Variants in RICTOR observed in about 807,000 individuals in gnomAD.
The protein encoded by RICTOR is rapamycin-insensitive companion of mTOR.
In RICTOR, 49 loss-of-function variants were observed where a neutral mutation model predicts 214.9. That is an observed-to-expected ratio of 0.23 (90% CI 0.18 to 0.29). The LOEUF is 0.29. Among genes scored for constraint, RICTOR ranks in the 10% least tolerant of loss-of-function variants. The pLI, the probability that RICTOR is intolerant of heterozygous loss-of-function variation, is 1.00. For missense variants in RICTOR, 1,625 were observed against 2,047.0 expected (o/e 0.79, Z 3.98); for synonymous variants, 717 against 711.3 (o/e 1.01, Z -0.13).
At position 38,942,297 on chromosome 5, in the gene RICTOR, T is replaced by C; in HGVS notation, c.*7A>G. 2 of 1,549,402 alleles carry C rather than the reference T, an allele frequency of 1.3e-6. No individual in the cohort carries two copies. The highest frequency in any genetic ancestry group is 1.8e-6 in the Non-Finnish European group (2 of 1,126,290). On this transcript the variant is annotated 3_prime_UTR_variant, in exon 38 of 38. Transcript: ENST00000357387. ...AGTATGTATCTATATCCATCATAAATATGAGGTCAGGATTCAGCAGATGTA... is the reference window on the plus strand; with the variant it reads ...AGTATGTATCTATATCCATCATAAACATGAGGTCAGGATTCAGCAGATGTA...
intron 2 of RICTOR, 69 bp downstream of exon 2, chr5:39,074,042 G>A: frequency 8.2e-7 from 1 of 1,214,450 alleles, no homozygotes; most frequent in Non-Finnish European, 1.1e-6. Flanking sequence ...CCTGCCTCTG[G>A]CCCCCAGCCC....
At chr5:39,052,521 A>G (rs995485520) in intron 2 of RICTOR, among the ~76,000 whole-genome samples, 2 of 152,234 alleles carry the variant, frequency 1.3e-5, no homozygotes, top group African/African-American at 2.4e-5. Context: ...GCATAAAAAA[A>G]GAACTTTTTA....
rs750381867 is a variant in RICTOR at position 38,942,313 on chromosome 5, A to G, written c.5118T>C (p.Ala1706=). ...PPKQPIVDTS[A]ES is the part of the protein sequence containing the mutation. ...CATCATAAATATGAGGTCAGGATTC[A>G]GCAGATGTATCAACTATAGGTTGCT... The change falls in exon 38 of 38, where the codon GCT becomes GCC. Residue 1706 remains alanine (A), a synonymous_variant. Coordinates refer to ENST00000357387, the MANE Select transcript of RICTOR (RefSeq NM_152756.5). The G allele has an allele frequency of 3.1e-6, 5 of 1,588,928 alleles. No individual in the cohort carries two copies. Among genetic ancestry groups the G allele is most frequent in the South Asian group, 1.1e-5 (1 of 88,352 alleles).
intron 28 of RICTOR, 121 bp downstream of exon 28, chr5:38,953,340 A>G (rs902243295): frequency 5.5e-6 from 3 of 543,496 alleles, no homozygotes; most frequent in Non-Finnish European, 6.5e-6. Context: ...GGAACAATCC[A>G]GTCTTAAATA....
intron 2 of RICTOR, among the ~76,000 whole-genome samples, chr5:39,036,495 T>C (rs1429934093): frequency 6.6e-6 from 1 of 152,194 alleles, no homozygotes; most frequent in East Asian, 1.9e-4. Flanking sequence ...ATAGGCTAAA[T>C]GCTCCAATTA....
At chr5:39,062,667 T>C (rs993000091) in intron 2 of RICTOR, among the ~76,000 whole-genome samples, 2 of 152,128 alleles carry the variant, frequency 1.3e-5, no homozygotes, top group African/African-American at 4.8e-5. Context: ...TGACAAGCTG[T>C]TCCTTCTTAG....
intron 6 of RICTOR, among the ~76,000 whole-genome samples, chr5:38,991,524 C>A: frequency 1.4e-5 from 1 of 73,866 alleles, no homozygotes; most frequent in Admixed American, 1.7e-4. Context: ...TCTCTACTCC[C>A]CTCTCCTCAT....
chr5:38,984,616 T>C (rs1030270110), intron 7 of RICTOR, among the ~76,000 whole-genome samples: 1 of 152,174 alleles, frequency 6.6e-6, no homozygotes, highest in African/African-American at 2.4e-5. Flanking sequence ...ACAAGTATTG[T>C]GGTCTTTTTA....
At position 39,069,864 on chromosome 5, in the gene RICTOR, AC is replaced by A. The variant is rs1480782703; in HGVS notation, c.97+4246del. Among the ~76,000 whole-genome samples the A allele has an allele frequency of 5.9e-5, 9 of 152,186 alleles. No homozygotes were observed. In the East Asian group the frequency reaches 1.5e-3, roughly 26 times the overall value. On this transcript the variant is annotated intron_variant, in intron 2 of 37. Coordinates refer to ENST00000357387, the MANE Select transcript of RICTOR (RefSeq NM_152756.5). ...CCACCATTATTCTTTTAAGAAGTCA[AC>A]CCCTCTATGAGACTTCTCTGATCCT...
rs529259343 is a variant in RICTOR at position 38,945,781 on chromosome 5, C to G, written c.4400-57G>C. The G allele has an allele frequency of 4.6e-6, 4 of 871,082 alleles. No individual in the cohort carries two copies. In the South Asian group the frequency reaches 7.8e-5, roughly 17 times the overall value. 54.0% of individuals were successfully genotyped at this position (871,082 alleles called of 1,614,324 possible). A position where few individuals can be genotyped will look rare whatever the true frequency, so the allele number is the denominator to read the frequency against. Reference sequence around the variant, plus strand: ...ATAAAGATAATACTTTTCAAGGTACCTTAAATTATGTGAAATTTTAAAGAA... The same window carrying G: ...ATAAAGATAATACTTTTCAAGGTACGTTAAATTATGTGAAATTTTAAAGAA... On this transcript the variant is annotated intron_variant, in intron 33 of 37. Transcript: ENST00000357387.
chr5:38,967,336 C>T lies in RICTOR; in HGVS notation c.1151+1G>A, dbSNP rs2150032584. 1 of 1,612,290 alleles carries T rather than the reference C, an allele frequency of 6.2e-7. No homozygotes were observed. Among genetic ancestry groups the T allele is most frequent in the Non-Finnish European group, 8.5e-7 (1 of 1,178,766 alleles). ...GAAACCCTTTTTATTTTAAATTCTA[C>T]CTGGATCTGGCACGATGAGGAAGAA... On this transcript the variant is annotated splice_donor_variant, in intron 13 of 37. Coordinates refer to ENST00000357387, the MANE Select transcript of RICTOR (RefSeq NM_152756.5). LOFTEE classifies it high-confidence loss of function.
At chr5:38,964,060 TA>T (rs1032352845) in intron 16 of RICTOR, among the ~76,000 whole-genome samples, 4 of 151,730 alleles carry the variant, frequency 2.6e-5, no homozygotes, top group Non-Finnish European at 4.4e-5. Flanking sequence ...TTTGAATAGC[TA>T]AAAAACTCCA....
chr5:39,021,189 C>T, intron 2 of RICTOR, 53 bp from the exon 3 acceptor site: 4 of 986,162 alleles, frequency 4.1e-6, no homozygotes, highest in Non-Finnish European at 6.6e-6. Context: ...TTTTCCTGTT[C>T]AAACACATAA....
intron 2 of RICTOR, among the ~76,000 whole-genome samples, chr5:39,034,736 A>C (rs578248997): frequency 6.6e-6 from 1 of 152,344 alleles, no homozygotes; most frequent in Non-Finnish European, 1.5e-5. Context: ...GCAGTCTGAG[A>C]TCAAACTGCA....
chr5:38,980,216 T>C (rs1751589174), intron 8 of RICTOR, among the ~76,000 whole-genome samples: 1 of 152,204 alleles, frequency 6.6e-6, no homozygotes, highest in Admixed American at 6.5e-5. Context: ...CTGAATCACC[T>C]GCAAGCATGT....
chr5:38,986,319 A>G (rs1225164357), intron 7 of RICTOR, among the ~76,000 whole-genome samples: 1 of 152,292 alleles, frequency 6.6e-6, no homozygotes, highest in South Asian at 2.1e-4. Context: ...GTCATGCAGA[A>G]CTGTGAGTCA....
intron 10 of RICTOR, among the ~76,000 whole-genome samples, chr5:38,972,859 G>C (rs184151596): frequency 2.4e-4 from 35 of 143,240 alleles, no homozygotes; most frequent in African/African-American, 8.8e-4. Flanking sequence ...GTCAAATCTA[G>C]TAACAGAAGG....
At chr5:39,032,766 C>T (rs1756362478) in intron 2 of RICTOR, among the ~76,000 whole-genome samples, 1 of 152,132 alleles carries the variant, frequency 6.6e-6, no homozygotes, top group African/African-American at 2.4e-5. Context: ...TTCAGAAAAA[C>T]GACAAACCAT....
chr5:39,011,375 T>C (rs894599634), intron 3 of RICTOR, among the ~76,000 whole-genome samples: 13 of 152,018 alleles, frequency 8.6e-5, no homozygotes, highest in Admixed American at 2.6e-4. Flanking sequence ...GTAGCTCTCA[T>C]GGAGAACTTC....
Sources: gnomAD v4.1 joint callset for allele counts (sites outside exome capture counted in the v4.1 genomes callset) on GRCh38, gnomAD v4.1.1 for gene constraint, MANE v1.5 for transcripts, NCBI Gene and HGNC (gene_info 2026-07-23, HGNC 2026-07-21) for gene names.